The following FMNL2 variants were observed in gnomAD, a reference collection of about 807,000 sequenced individuals.
FMNL2 encodes the protein formin like 2.
In FMNL2, 51 loss-of-function variants were observed where a neutral mutation model predicts 130.2. That is an observed-to-expected ratio of 0.39 (90% confidence interval 0.31 to 0.49). The LOEUF is 0.49. Among genes scored for constraint, FMNL2 ranks in the 20% least tolerant of loss-of-function variants. FMNL2 has a pLI of 0.85. For missense variants in FMNL2, 977 were observed against 1,316.2 expected, an observed-to-expected ratio of 0.74 and a Z score of 3.99; for synonymous variants, 465 against 467.1, an observed-to-expected ratio of 1.00 and a Z score of 0.06.
chr2:152,611,219 A>G (rs542141175), intron 10 of FMNL2, among the ~76,000 whole-genome samples: 70 of 152,182 alleles, frequency 4.6e-4, no homozygotes, highest in Non-Finnish European at 7.8e-4. Context: ...CCTGCCTGTA[A>G]TCCCAGCTAC....
At chr2:152,571,465 A>G (rs990128491) in intron 6 of FMNL2, among the ~76,000 whole-genome samples, 1 of 152,208 alleles carries the variant, frequency 6.6e-6, no homozygotes, top group South Asian at 2.1e-4. Context: ...ACACTCTCCA[A>G]TTTGGTTCTG....
chr2:152,488,020 T>TA (rs751173191), intron 1 of FMNL2, among the ~76,000 whole-genome samples: 1 of 152,316 alleles, frequency 6.6e-6, no homozygotes, highest in Middle Eastern at 3.4e-3. Context: ...CCTCAAGTGA[T>TA]ACGCCCACCT....
rs565411350 is a variant in FMNL2, at chr2:152,546,740, CAT to C, written c.283-2278_283-2277del. Among the ~76,000 whole-genome samples, 218 of 152,220 alleles carry C rather than the reference CAT, an allele frequency of 1.4e-3. 2 individuals carry two copies. Among genetic ancestry groups the C allele is most frequent in the African/African-American group, 4.9e-3 (202 of 41,550 alleles). ...GGGAGTGGCCACACTGAGCAGCCAGCATATCTGGAAATGGTTGCCTTAGCTGT... is the reference window on the plus strand; with the variant it reads ...GGGAGTGGCCACACTGAGCAGCCAGCATCTGGAAATGGTTGCCTTAGCTGT... On this transcript the variant is annotated intron_variant, in intron 3 of 25. Coordinates refer to ENST00000288670, the MANE Select transcript of FMNL2 (RefSeq NM_052905.4).
chr2:152,479,718 G>GTTTTTTTTTTTT (rs749726414), intron 1 of FMNL2, among the ~76,000 whole-genome samples: 3 of 96,734 alleles, frequency 3.1e-5, no homozygotes, highest in Non-Finnish European at 4.2e-5. Flanking sequence ...GTTGTGGGTT[G>GTTTTTTTTTTTT]TTTTTTTTTT....
intron 1 of FMNL2, among the ~76,000 whole-genome samples, chr2:152,352,081 T>C (rs1014612106): frequency 6.6e-6 from 1 of 152,196 alleles, no homozygotes; most frequent in Non-Finnish European, 1.5e-5. Context: ...TAGCAGTGAC[T>C]GGAGGATGGG....
At chr2:152,599,072 T>C (rs1697908261) in intron 9 of FMNL2, among the ~76,000 whole-genome samples, 1 of 152,202 alleles carries the variant, frequency 6.6e-6, no homozygotes, top group South Asian at 2.1e-4. Flanking sequence ...TCACCCTTCC[T>C]CCAAATTCTT....
intron 9 of FMNL2, 43 bp downstream of exon 9, chr2:152,581,092 A>G: frequency 6.6e-7 from 1 of 1,526,352 alleles, no homozygotes; most frequent in African/African-American, 1.4e-5. Flanking sequence ...CACACATCTT[A>G]CATTTGGACA....
intron 1 of FMNL2, among the ~76,000 whole-genome samples, chr2:152,362,242 A>G (rs1683220267): frequency 6.6e-6 from 1 of 152,194 alleles, no homozygotes; most frequent in Admixed American, 6.5e-5. Flanking sequence ...TGTTCTGAAC[A>G]TACTTGTAAC....
intron 1 of FMNL2, among the ~76,000 whole-genome samples, chr2:152,416,235 C>T (rs146795323): frequency 1.3e-5 from 2 of 152,236 alleles, no homozygotes; most frequent in East Asian, 3.9e-4. Flanking sequence ...TACCAGGATG[C>T]CTATGAGAGC....
chr2:152,385,385 C>T (rs1467189112), intron 1 of FMNL2, among the ~76,000 whole-genome samples: 3 of 151,902 alleles, frequency 2.0e-5, no homozygotes, highest in South Asian at 2.1e-4. Flanking sequence ...AGGCCTTTTA[C>T]GTCTTAGTGT....
At chr2:152,625,382 C>T in intron 15 of FMNL2, 56 bp from the exon 16 acceptor site, 1 of 1,563,256 alleles carries the variant, frequency 6.4e-7, no homozygotes, top group Admixed American at 1.7e-5. Flanking sequence ...CTGATTGTTC[C>T]TGAGGGTCGT....
chr2:152,643,364 T>C, intron 25 of FMNL2: 1 of 1,534,248 alleles, frequency 6.5e-7, no homozygotes, highest in East Asian at 2.4e-5. Flanking sequence ...ATGCAATAGA[T>C]CTTGGCTTTT....
At position 152,561,035 on chromosome 2, in the gene FMNL2, G is replaced by A. The variant is rs1695493783; in HGVS notation, c.596G>A (p.Arg199Gln). 6 of 1,589,124 alleles carry A rather than the reference G, an allele frequency of 3.8e-6. No individual in the cohort carries two copies. The highest frequency in any genetic ancestry group is 5.1e-6 in the Non-Finnish European group (6 of 1,166,694). Residue 199 changes from arginine (R) to glutamine (Q), a missense_variant and splice_region_variant, in exon 6 of 26, where the codon CGA becomes CAA. By Grantham distance (43) the Arg-to-Gln change is conservative (BLOSUM62 1). Coordinates refer to ENST00000288670, the MANE Select transcript of FMNL2 (RefSeq NM_052905.4). ...CGCTCTGGAAGACATTCTGCACTGC[G>A]GTGAGTTCGTTTAATCAGGAGGCAA... ...VSRSGRHSAL[R>Q]YNTLPSRRTL... is the part of the protein sequence containing the mutation.
intron 1 of FMNL2, among the ~76,000 whole-genome samples, chr2:152,456,409 C>T (rs1341490830): frequency 6.6e-6 from 1 of 152,160 alleles, no homozygotes; most frequent in Admixed American, 6.5e-5. Context: ...GCCATGTTGC[C>T]TAGGCTGGTC....
At chr2:152,450,702 ATGTGGC>A (rs1688593300) in intron 1 of FMNL2, among the ~76,000 whole-genome samples, 1 of 152,126 alleles carries the variant, frequency 6.6e-6, no homozygotes, top group African/African-American at 2.4e-5. Context: ...AGTCAGCCCC[ATGTGGC>A]ATCTCCTCCT....
At position 152,560,152 on chromosome 2, in the gene FMNL2, A is replaced by G. The variant is rs73968081; in HGVS notation, c.444-731A>G. ...GTGTTGCTATGGATAGAAACAATTAATACAATTTCTTTTTTTTTTTTTTCT... is the reference window on the plus strand; with the variant it reads ...GTGTTGCTATGGATAGAAACAATTAGTACAATTTCTTTTTTTTTTTTTTCT... On this transcript the variant is annotated intron_variant, in intron 5 of 25. Transcript: ENST00000288670. Among the ~76,000 whole-genome samples the G allele has an allele frequency of 1.7e-3, 256 of 151,502 alleles. 2 individuals are homozygous for G. Among genetic ancestry groups the G allele is most frequent in the African/African-American group, 6.0e-3 (247 of 41,358 alleles).
intron 1 of FMNL2, among the ~76,000 whole-genome samples, chr2:152,469,991 A>G (rs1689770390): frequency 6.6e-6 from 1 of 152,220 alleles, no homozygotes; most frequent in South Asian, 2.1e-4. Flanking sequence ...ATTTATTCCT[A>G]GGAAACCTTT....
intron 1 of FMNL2, among the ~76,000 whole-genome samples, chr2:152,426,190 C>A (rs1292745386): frequency 6.6e-6 from 1 of 152,144 alleles, no homozygotes; most frequent in Non-Finnish European, 1.5e-5. Flanking sequence ...CACAATGGAC[C>A]TTGAGCTGTG....
intron 22 of FMNL2, 89 bp downstream of exon 22, chr2:152,636,679 C>G: frequency 4.3e-6 from 6 of 1,404,652 alleles, no homozygotes; most frequent in African/African-American, 1.4e-5. Flanking sequence ...GAGAAATGTT[C>G]CATTTCCCTC....
Sources: gnomAD v4.1 joint callset for allele counts (sites outside exome capture counted in the v4.1 genomes callset) on GRCh38, gnomAD v4.1.1 for gene constraint, MANE v1.5 for transcripts, NCBI Gene and HGNC (gene_info 2026-07-23, HGNC 2026-07-21) for gene names.